Variants in DENND10 observed in about 807,000 individuals in gnomAD.
DENND10 encodes the protein DENN domain-containing protein 10.
Under a neutral mutation model 43.6 loss-of-function variants are expected in DENND10, and 24 were observed. The observed-to-expected ratio is 0.55, with a 90% CI of 0.40 to 0.77. DENND10 has a LOEUF of 0.77. DENND10 is among the 30% of genes least tolerant of loss of function. The pLI is 0.00. For synonymous variants in DENND10, 125 were observed against 157.6 expected (o/e 0.79, Z 1.55); for missense variants, 303 against 429.9 (o/e 0.70, Z 2.61).
chr10:119,104,325 C>CA, intron 1 of DENND10, 128 bp downstream of exon 1: 4 of 848,212 alleles, frequency 4.7e-6, no homozygotes, highest in Non-Finnish European at 7.0e-6. Flanking sequence ...GGCCCCCTCC[C>CA]TGTTGGGCCT....
At chr10:119,117,419 C>T (rs1845343375) in intron 3 of DENND10, 100 bp from the exon 4 acceptor site, 3 of 1,241,632 alleles carry the variant, frequency 2.4e-6, no homozygotes. Context: ...AGCAAGGTGG[C>T]CTCGGATTCT....
At chr10:119,115,526 G>T (rs58624939) in intron 3 of DENND10, among the ~76,000 whole-genome samples, 37,496 of 88,024 alleles carry the variant, frequency 0.43, 8,031 homozygotes, top group Middle Eastern at 0.58. Context: ...TAGCTGGGAC[G>T]ACAGGCGCCC....
At chr10:119,122,792 A>G (rs1269218264) in intron 5 of DENND10, among the ~76,000 whole-genome samples, 1 of 152,108 alleles carries the variant, frequency 6.6e-6, no homozygotes, top group Non-Finnish European at 1.5e-5. Context: ...CTTCCAGAAA[A>G]TTTCTTGCTT....
rs1281402899 is a variant in DENND10 at position 119,116,673 on chromosome 10, T to C, written c.333-846T>C. Among the ~76,000 whole-genome samples, 60 of 57,438 alleles carry C rather than the reference T, an allele frequency of 1.0e-3. 1 individual carries two copies. The highest frequency in any genetic ancestry group is 1.9e-3 in the Non-Finnish European group (46 of 24,048). The allele number at this position is 57,438 out of a possible 152,430, so 37.7% of individuals were successfully genotyped here. A position where few individuals can be genotyped will look rare whatever the true frequency, so the allele number is the denominator to read the frequency against. On this transcript the variant is annotated intron_variant, in intron 3 of 8. Transcript: ENST00000361432. ...CTTTTCTTTCTTTCTTTCTTTTTTT[T>C]TTTTTTTTTTTTTGAGACAGAATCT...
chr10:119,110,884 G>A (rs1001005926), intron 2 of DENND10, among the ~76,000 whole-genome samples: 5 of 152,122 alleles, frequency 3.3e-5, no homozygotes, highest in Non-Finnish European at 4.4e-5. Flanking sequence ...ATTGCTATTC[G>A]ACAGAGCTGT....
At chr10:119,110,197 A>G (rs1385802646) in intron 2 of DENND10, among the ~76,000 whole-genome samples, 2 of 150,718 alleles carry the variant, frequency 1.3e-5, no homozygotes, top group Non-Finnish European at 3.0e-5. Context: ...TTTGAGATGG[A>G]GTCTTGCTCT....
chr10:119,123,093 C>T (rs1298152423), intron 5 of DENND10, among the ~76,000 whole-genome samples: 1 of 152,104 alleles, frequency 6.6e-6, no homozygotes, highest in African/African-American at 2.4e-5. Context: ...CATGGTGAAC[C>T]CCCATCTCTA....
intron 4 of DENND10, 122 bp from the exon 5 acceptor site, chr10:119,120,219 G>T (rs1845497448): frequency 1.7e-6 from 1 of 583,458 alleles, no homozygotes; most frequent in Non-Finnish European, 3.0e-6. Flanking sequence ...CTGCATTCCA[G>T]CCTGGGTGAC....
chr10:119,107,918 C>A, intron 1 of DENND10, 50 bp from the exon 2 acceptor site: 1 of 1,542,884 alleles, frequency 6.5e-7, no homozygotes, highest in Non-Finnish European at 9.0e-7. Flanking sequence ...AATCAATTCA[C>A]TTCCTTGCTG....
At chr10:119,131,501 A>G (rs1846087429) in intron 7 of DENND10, among the ~76,000 whole-genome samples, 2 of 152,168 alleles carry the variant, frequency 1.3e-5, no homozygotes, top group African/African-American at 4.8e-5. Flanking sequence ...TTACAGCTAC[A>G]TAAAGTAGAA....
intron 5 of DENND10, among the ~76,000 whole-genome samples, chr10:119,121,005 G>A (rs1207001614): frequency 6.6e-6 from 1 of 152,002 alleles, no homozygotes; most frequent in Non-Finnish European, 1.5e-5. Context: ...AGTAGAGATG[G>A]GGTCTTGCTG....
chr10:119,107,015 A>G (rs924094231), intron 1 of DENND10, among the ~76,000 whole-genome samples: 1 of 150,598 alleles, frequency 6.6e-6, no homozygotes, highest in Non-Finnish European at 1.5e-5. Context: ...ACTGCATTGC[A>G]CTCCAGCCTG....
At chr10:119,122,232 C>T (rs1296971408) in intron 5 of DENND10, among the ~76,000 whole-genome samples, 1 of 152,168 alleles carries the variant, frequency 6.6e-6, no homozygotes, top group African/African-American at 2.4e-5. Context: ...CGCTTGAGCC[C>T]AGGAGGTGGA....
chr10:119,120,850 A>G (rs1845538731), intron 5 of DENND10, among the ~76,000 whole-genome samples: 1 of 152,068 alleles, frequency 6.6e-6, no homozygotes, highest in Non-Finnish European at 1.5e-5. Flanking sequence ...TAGTTTGCTG[A>G]CCCGTTTCAG....
At chr10:119,104,985 A>T (rs74157630) in intron 1 of DENND10, 102 of 152,316 alleles carry the variant, frequency 6.7e-4, no homozygotes, top group African/African-American at 2.4e-3. Flanking sequence ...GTTTCTACAC[A>T]ATCCTGTGTG....
At chr10:119,130,436 A>C (rs1168002340) in intron 7 of DENND10, among the ~76,000 whole-genome samples, 1 of 152,076 alleles carries the variant, frequency 6.6e-6, no homozygotes, top group Non-Finnish European at 1.5e-5. Context: ...GGGATTACTT[A>C]CATATGTGAG....
At chr10:119,127,513 C>T (rs1845889282) in intron 6 of DENND10, among the ~76,000 whole-genome samples, 4 of 152,142 alleles carry the variant, frequency 2.6e-5, no homozygotes, top group Admixed American at 2.0e-4. Context: ...GAGTCTCGCT[C>T]TGTTGCCCAG....
Position 119,108,001 on chromosome 10 carries a change from G to A in DENND10, c.89G>A (p.Trp30Ter). The stretch of plus-strand genomic sequence containing the variant: ...ACAAATGGAGAAGTTCTGTGGGTGT[G>A]GTGTTATCCTTCCACGACAGCCACA... ...KDTNGEVLWV[W>*]CYPSTTATLR... The change falls in exon 2 of 9, where the codon TGG becomes TAG. Residue 30 changes from tryptophan (W) to a stop codon, truncating the protein, a stop_gained. Transcript: ENST00000361432. LOFTEE classifies it high-confidence loss of function. The A allele has an allele frequency of 6.2e-7, 1 of 1,613,938 alleles. No individual in the cohort carries two copies. Among genetic ancestry groups the A allele is most frequent in the Non-Finnish European group, 8.5e-7 (1 of 1,179,886 alleles).
intron 3 of DENND10, among the ~76,000 whole-genome samples, chr10:119,112,247 A>G (rs1007615023): frequency 6.6e-6 from 1 of 152,096 alleles, no homozygotes; most frequent in Non-Finnish European, 1.5e-5. Flanking sequence ...AGGTTGGATA[A>G]GTTAAGGGCC....
Sources: gnomAD v4.1 joint callset for allele counts (sites outside exome capture counted in the v4.1 genomes callset) on GRCh38, gnomAD v4.1.1 for gene constraint, MANE v1.5 for transcripts, NCBI Gene and HGNC (gene_info 2026-07-23, HGNC 2026-07-21) for gene names.